The following TAAR1 variants were observed in gnomAD, a reference collection of about 807,000 sequenced individuals.
The protein encoded by TAAR1 is trace amine-associated receptor 1.
A neutral mutation model predicts 1.2 loss-of-function variants in TAAR1; 1 was observed. That is an observed-to-expected ratio of 0.81 (90% CI 0.29 to 3.86). The LOEUF (loss-of-function observed/expected upper bound fraction) is 3.86, where lower values mean the gene tolerates loss of function less well. Ranked by LOEUF, TAAR1 falls within the 30% of genes most tolerant of loss-of-function variation. The pLI, the probability that TAAR1 is intolerant of heterozygous loss-of-function variation, is 0.18. For missense variants in TAAR1, 445 were observed against 405.6 expected, an observed-to-expected ratio of 1.10 and a Z score of -0.83; for synonymous variants, 153 against 132.2, an observed-to-expected ratio of 1.16 and a Z score of -1.08.
At position 132,645,649 on chromosome 6, in the gene TAAR1, T is replaced by C. The variant is rs781384227; in HGVS notation, c.355A>G (p.Ile119Val). ...TCACACACAGCATAGTAGCGGTCAA[T>C]GGAGATGAAAGACAAATGGAAAATG... Reference protein sequence around the residue: ...ASIFHLSFISIDRYYAVCDPL... With the variant: ...ASIFHLSFISVDRYYAVCDPL... The change falls in exon 2 of 2, where the codon ATT (isoleucine) becomes GTT (valine). Residue 119 changes from isoleucine to valine, a missense_variant. Physicochemically the swap from Ile to Val is conservative, Grantham distance 29 (BLOSUM62 3). Coordinates refer to ENST00000275216, the MANE Select transcript of TAAR1 (RefSeq NM_138327.4). The C allele has an allele frequency of 1.2e-6, 2 of 1,613,512 alleles. No homozygotes were observed. Among genetic ancestry groups the C allele is most frequent in the Non-Finnish European group, 1.7e-6 (2 of 1,179,770 alleles).
chr6:132,647,368 A>ACACACACACACACACACACATACGCATG (rs1777685699), intron 1 of TAAR1, among the ~76,000 whole-genome samples: 1 of 71,194 alleles, frequency 1.4e-5, no homozygotes. Flanking sequence ...GCATGCACAC[A>ACACACACACACACACACACATACGCATG]CACACACACA....
chr6:132,656,041 G>A (rs1339574681), intron 1 of TAAR1, among the ~76,000 whole-genome samples: 1 of 152,150 alleles, frequency 6.6e-6, no homozygotes, highest in African/African-American at 2.4e-5. Context: ...AGCTGTGTGA[G>A]GAAGAGCAGG....
At chr6:132,646,572 C>A (rs956561720) in intron 1 of TAAR1, among the ~76,000 whole-genome samples, 1 of 151,932 alleles carries the variant, frequency 6.6e-6, no homozygotes, top group Non-Finnish European at 1.5e-5. Flanking sequence ...CGCACTATGC[C>A]CACTTCTGCA....
At chr6:132,651,963 T>C (rs908726482) in intron 1 of TAAR1, among the ~76,000 whole-genome samples, 2 of 152,234 alleles carry the variant, frequency 1.3e-5, no homozygotes, top group Non-Finnish European at 2.9e-5. Flanking sequence ...CAATGTCTCC[T>C]AGAACTTGAT....
At chr6:132,646,866 A>G (rs1471814498) in intron 1 of TAAR1, among the ~76,000 whole-genome samples, 6 of 152,166 alleles carry the variant, frequency 3.9e-5, no homozygotes, top group South Asian at 4.1e-4. Context: ...AGTTTCTTTG[A>G]TATCAGTCCA....
At chr6:132,650,208 AT>A (rs1421464954) in intron 1 of TAAR1, among the ~76,000 whole-genome samples, 1 of 151,694 alleles carries the variant, frequency 6.6e-6, no homozygotes, top group Non-Finnish European at 1.5e-5. Context: ...CTTTCCAACA[AT>A]TTTTCAACTC....
In TAAR1 at chr6:132,658,480, G is replaced by T. The variant is rs546229938; in HGVS notation, c.-127+650C>A. 3.9e-5 allele frequency among the ~76,000 whole-genome samples: 6 copies of T among 152,180 alleles called. No homozygotes were observed. In the East Asian group the frequency reaches 5.8e-4, roughly 15 times the overall value. On this transcript the variant is annotated intron_variant, in intron 1 of 1. Coordinates refer to ENST00000275216, the MANE Select transcript of TAAR1 (RefSeq NM_138327.4). Reference sequence around the variant, plus strand: ...CAGATTTAGGTAATGTAACTAAAAGGTTCTTAAGTTAATTGATCTAATATA... The same window carrying T: ...CAGATTTAGGTAATGTAACTAAAAGTTTCTTAAGTTAATTGATCTAATATA...
intron 1 of TAAR1, among the ~76,000 whole-genome samples, chr6:132,646,845 A>G (rs1777677635): frequency 6.6e-6 from 1 of 152,178 alleles, no homozygotes; most frequent in Admixed American, 6.6e-5. Context: ...TGTGGTCTCA[A>G]TTACTAGTTC....
Position 132,645,147 on chromosome 6 carries a change from T to G in TAAR1, c.857A>C (p.Asn286Thr). The G allele has an allele frequency of 6.2e-7, 1 of 1,612,998 alleles. No individual in the cohort carries two copies. Among genetic ancestry groups the G allele is most frequent in the Non-Finnish European group, 8.5e-7 (1 of 1,179,542 alleles). ...GTAGCCAAACCAAATCAATACATCATTCAAAGTAGGTGGAATAATGTAGTG... is the reference window on the plus strand; with the variant it reads ...GTAGCCAAACCAAATCAATACATCAGTCAAAGTAGGTGGAATAATGTAGTG... ...FLHYIIPPTLNDVLIWFGYLN... is the reference protein window; with the variant it reads ...FLHYIIPPTLTDVLIWFGYLN... The change falls in exon 2 of 2, where the codon AAT becomes ACT. Residue 286 changes from asparagine to threonine, a missense_variant. Coordinates refer to ENST00000275216, the MANE Select transcript of TAAR1 (RefSeq NM_138327.4).
intron 1 of TAAR1, among the ~76,000 whole-genome samples, chr6:132,648,661 T>C (rs377575688): frequency 6.7e-4 from 102 of 152,308 alleles, no homozygotes; most frequent in African/African-American, 2.4e-3. Context: ...TGAGTGCTTT[T>C]TGAAGTGTTA....
intron 1 of TAAR1, among the ~76,000 whole-genome samples, chr6:132,651,207 G>T (rs552278639): frequency 5.9e-5 from 9 of 152,262 alleles, no homozygotes; most frequent in African/African-American, 2.2e-4. Context: ...GGCTGTTACG[G>T]TTCTTCTTCA....
intron 1 of TAAR1, among the ~76,000 whole-genome samples, chr6:132,649,296 A>G (rs1777721825): frequency 6.6e-6 from 1 of 151,990 alleles, no homozygotes; most frequent in Non-Finnish European, 1.5e-5. Flanking sequence ...TCTCCTCAGG[A>G]TACCTTCTCC....
chr6:132,653,124 A>G (rs1199682892), intron 1 of TAAR1, among the ~76,000 whole-genome samples: 2 of 152,150 alleles, frequency 1.3e-5, no homozygotes, highest in African/African-American at 4.8e-5. Context: ...AAATCACCTG[A>G]GCTCCAAAGC....
chr6:132,654,800 A>G (rs953816176), intron 1 of TAAR1, among the ~76,000 whole-genome samples: 5 of 152,232 alleles, frequency 3.3e-5, no homozygotes, highest in African/African-American at 1.2e-4. Context: ...TGAAAGGACT[A>G]ATAATGACCT....
intron 1 of TAAR1, among the ~76,000 whole-genome samples, chr6:132,658,475 A>T (rs1281815815): frequency 6.6e-6 from 1 of 152,176 alleles, no homozygotes; most frequent in Non-Finnish European, 1.5e-5. Context: ...TAATGTAACT[A>T]AAAGGTTCTT....
chr6:132,647,459 G>A (rs1777688186), intron 1 of TAAR1, among the ~76,000 whole-genome samples: 1 of 144,150 alleles, frequency 6.9e-6, no homozygotes. Context: ...AGAGAGAAAG[G>A]AAGAAAGAAA....
rs1360810948 is a variant in TAAR1, at chr6:132,645,424, T to C, written c.580A>G (p.Thr194Ala). The stretch of plus-strand genomic sequence containing the variant: ...GGTATATAAAAAGAAGTCATAAAGG[T>C]CAGTACCCCAGATATTTTGCTAAAG... ...VFFSKISGVL[T>A]FMTSFYIPGS... Residue 194 changes from threonine (T) to alanine (A), a missense_variant, in exon 2 of 2, where the codon ACC becomes GCC. Coordinates refer to ENST00000275216, the MANE Select transcript of TAAR1 (RefSeq NM_138327.4). The C allele has an allele frequency of 2.5e-6, 4 of 1,613,700 alleles. No homozygotes were observed. In the Admixed American group the frequency reaches 5.0e-5, roughly 20 times the overall value.
rs1486654388 is a variant in TAAR1 at position 132,647,368 on chromosome 6, A to ACACACACACACACACACATACGCATG, written c.-126-1240_-126-1239insCATGCGTATGTGTGTGTGTGTGTGTG. Among the ~76,000 whole-genome samples, 447 of 71,286 alleles carry ACACACACACACACACACATACGCATG rather than the reference A, an allele frequency of 6.3e-3. 1 individual carries two copies. In the Middle Eastern group the frequency reaches 0.085, roughly 13 times the overall value. 46.8% of individuals were successfully genotyped at this position (71,286 alleles called of 152,430 possible). A position where few individuals can be genotyped will look rare whatever the true frequency, so the allele number is the denominator to read the frequency against. On this transcript the variant is annotated intron_variant, in intron 1 of 1. Transcript: ENST00000275216. ...TACACACACACATACGCATGCACACACACACACACACACACACACACACAC... is the reference window on the plus strand; with the variant it reads ...TACACACACACATACGCATGCACACACACACACACACACACACATACGCATGCACACACACACACACACACACACAC...
intron 1 of TAAR1, among the ~76,000 whole-genome samples, chr6:132,650,954 C>T (rs1186706717): frequency 6.6e-6 from 1 of 152,140 alleles, no homozygotes; most frequent in Non-Finnish European, 1.5e-5. Flanking sequence ...GTCATTTATA[C>T]TCCCTGTCTC....
Sources: allele counts gnomAD v4.1 joint callset (sites outside exome capture counted in the v4.1 genomes callset), GRCh38; gene constraint gnomAD v4.1.1; transcripts MANE v1.5; gene names NCBI Gene and HGNC (gene_info 2026-07-23, HGNC 2026-07-21).